The following ZMIZ1 variants were observed in gnomAD, a reference collection of about 807,000 sequenced individuals.
ZMIZ1 encodes zinc finger MIZ-type containing 1.
A neutral mutation model predicts 113.9 loss-of-function variants in ZMIZ1; 17 were observed. The ratio of observed to expected loss-of-function variants is 0.15; its 90% CI spans 0.10 to 0.22. The LOEUF is 0.22. Among genes scored for constraint, ZMIZ1 ranks in the 10% least tolerant of loss-of-function variants. The pLI, the probability that ZMIZ1 is intolerant of heterozygous loss-of-function variation, is 1.00. For synonymous variants in ZMIZ1, 607 were observed against 603.1 expected, an observed-to-expected ratio of 1.01 and a Z score of -0.09; for missense variants, 1,059 against 1,477.8, an observed-to-expected ratio of 0.72 and a Z score of 4.65.
intron 4 of ZMIZ1, among the ~76,000 whole-genome samples, chr10:79,194,770 C>T (rs1294420094): frequency 6.6e-6 from 1 of 152,200 alleles, no homozygotes; most frequent in Non-Finnish European, 1.5e-5. Flanking sequence ...AACGTTCTAT[C>T]CTCCAAGCAG....
rs542170098 is a variant in ZMIZ1 at position 79,289,051 on chromosome 10, C to T, written c.426-724C>T. ...GGTGGGGTCCGCCAGAGGAGTAAGT[C>T]ATTCTTAAGTGTGTGTTTGGACTCT... On this transcript the variant is annotated intron_variant, in intron 8 of 24. Transcript: ENST00000334512. Among the ~76,000 whole-genome samples the T allele has an allele frequency of 1.2e-4, 19 of 152,252 alleles. No individual in the cohort carries two copies. In the South Asian group the frequency reaches 3.5e-3, roughly 28 times the overall value.
chr10:79,283,996 T>G (rs1409039217), intron 8 of ZMIZ1, among the ~76,000 whole-genome samples: 4 of 152,192 alleles, frequency 2.6e-5, no homozygotes, highest in Non-Finnish European at 5.9e-5. Flanking sequence ...AGTCTGACAA[T>G]ACCCTTAATG....
intron 1 of ZMIZ1, among the ~76,000 whole-genome samples, chr10:79,093,144 ACAC>A (rs1843039968): frequency 1.6e-5 from 2 of 127,110 alleles, no homozygotes; most frequent in East Asian, 2.1e-4. Flanking sequence ...CAACACACAC[ACAC>A]ACACACACAC....
intron 2 of ZMIZ1, among the ~76,000 whole-genome samples, chr10:79,120,224 C>T (rs1046733556): frequency 6.6e-6 from 1 of 152,204 alleles, no homozygotes; most frequent in Admixed American, 6.5e-5. Flanking sequence ...ACACAGACGT[C>T]GCTTCTGCAT....
chr10:79,202,669 G>C (rs993464284), intron 5 of ZMIZ1, among the ~76,000 whole-genome samples: 2 of 152,224 alleles, frequency 1.3e-5, no homozygotes, highest in Admixed American at 1.3e-4. Context: ...TTGGACTGCC[G>C]GGAGGTGGGG....
intron 7 of ZMIZ1, among the ~76,000 whole-genome samples, chr10:79,242,324 G>A (rs1387503139): frequency 6.6e-6 from 1 of 152,032 alleles, no homozygotes; most frequent in East Asian, 1.9e-4. Flanking sequence ...CTTCCCTCCT[G>A]CCGCCAGCTC....
At chr10:79,210,168 G>T (rs966613844) in intron 6 of ZMIZ1, among the ~76,000 whole-genome samples, 1 of 152,220 alleles carries the variant, frequency 6.6e-6, no homozygotes, top group African/African-American at 2.4e-5. Flanking sequence ...GAGGATGGAG[G>T]AGGTGGGAAC....
Position 79,305,240 on chromosome 10 carries a change from T to TGC in ZMIZ1, c.2354+10_2354+11dup. 3.1e-6 allele frequency: 5 copies of TGC among 1,613,820 alleles called. No individual in the cohort carries two copies. Among genetic ancestry groups the TGC allele is most frequent in the Middle Eastern group, 1.7e-4 (1 of 5,976 alleles). On this transcript the variant is annotated intron_variant, in intron 20 of 24. Coordinates refer to ENST00000334512, the MANE Select transcript of ZMIZ1 (RefSeq NM_020338.4). ...AGGTGTCCTGTGTGCAAGTGAGTGATGCCCACCCCGGTGGGGGCTTCCCCC... is the reference window on the plus strand; with the variant it reads ...AGGTGTCCTGTGTGCAAGTGAGTGATGCGCCCACCCCGGTGGGGGCTTCCCCC...
chr10:79,264,121 G>T (rs1254570970), intron 7 of ZMIZ1, among the ~76,000 whole-genome samples: 1 of 152,220 alleles, frequency 6.6e-6, no homozygotes, highest in East Asian at 1.9e-4. Context: ...CTGGAGTGCA[G>T]GCTCCGTGGT....
intron 4 of ZMIZ1, among the ~76,000 whole-genome samples, chr10:79,172,538 T>C (rs1238590854): frequency 6.6e-6 from 1 of 152,162 alleles, no homozygotes; most frequent in Non-Finnish European, 1.5e-5. Flanking sequence ...ATTTTATGGA[T>C]GAGGAAACTG....
At chr10:79,216,071 C>T (rs1255770296) in intron 6 of ZMIZ1, 98 bp from the exon 7 acceptor site, 1 of 757,678 alleles carries the variant, frequency 1.3e-6, no homozygotes, top group Non-Finnish European at 2.0e-6. Context: ...GGGGCACTGC[C>T]TTAGCTTGCC....
chr10:79,261,259 A>T lies in ZMIZ1; in HGVS notation c.281-15922A>T, dbSNP rs918986381. Among the ~76,000 whole-genome samples, 4 of 152,330 alleles carry T rather than the reference A, an allele frequency of 2.6e-5. No homozygotes were observed. In the South Asian group the frequency reaches 8.3e-4, roughly 32 times the overall value. ...TGCCCAACTGGTGCGCGCTCAGCTC[A>T]GGCCAGCTGGTCACCCAGCTCCAAT... On this transcript the variant is annotated intron_variant, in intron 7 of 24. Transcript: ENST00000334512.
intron 3 of ZMIZ1, among the ~76,000 whole-genome samples, chr10:79,142,189 G>C (rs961461618): frequency 6.6e-6 from 1 of 152,178 alleles, no homozygotes; most frequent in African/African-American, 2.4e-5. Context: ...CAGACACATT[G>C]AGTTTGAGAT....
At chr10:79,224,206 A>G (rs1564535096) in intron 7 of ZMIZ1, among the ~76,000 whole-genome samples, 1 of 152,250 alleles carries the variant, frequency 6.6e-6, no homozygotes, top group Non-Finnish European at 1.5e-5. Flanking sequence ...ACACCAGAAG[A>G]GAATATACCA....
chr10:79,196,305 G>A (rs1411633902), intron 4 of ZMIZ1, among the ~76,000 whole-genome samples: 2 of 152,166 alleles, frequency 1.3e-5, no homozygotes, highest in African/African-American at 2.4e-5. Context: ...TCTCACAGGT[G>A]TTGCAAGCCC....
chr10:79,133,997 G>T (rs1342069696), intron 2 of ZMIZ1, among the ~76,000 whole-genome samples: 1 of 152,206 alleles, frequency 6.6e-6, no homozygotes, highest in African/African-American at 2.4e-5. Context: ...ATGTAAAGAT[G>T]GATGCTAATT....
intron 8 of ZMIZ1, among the ~76,000 whole-genome samples, chr10:79,277,756 A>G (rs1018577279): frequency 6.6e-6 from 1 of 152,244 alleles, no homozygotes; most frequent in Non-Finnish European, 1.5e-5. Context: ...TGGGTCCACC[A>G]GAAGCCCAGG....
chr10:79,100,995 G>A (rs1843346481), intron 1 of ZMIZ1, among the ~76,000 whole-genome samples: 3 of 152,190 alleles, frequency 2.0e-5, no homozygotes, highest in Admixed American at 6.5e-5. Context: ...GAGCACAAAG[G>A]TCGGGTCCCT....
intron 5 of ZMIZ1, among the ~76,000 whole-genome samples, chr10:79,207,351 T>C (rs1848356260): frequency 6.6e-6 from 1 of 152,226 alleles, no homozygotes; most frequent in South Asian, 2.1e-4. Context: ...TACAGCCAAA[T>C]TGGGCCAGAG....
Sources: allele counts gnomAD v4.1 joint callset (sites outside exome capture counted in the v4.1 genomes callset), GRCh38; gene constraint gnomAD v4.1.1; transcripts MANE v1.5; gene names NCBI Gene and HGNC (gene_info 2026-07-23, HGNC 2026-07-21).